PPA2: variants seen among roughly 807,000 people sequenced by gnomAD.
PPA2 encodes inorganic pyrophosphatase 2, mitochondrial.
PPA2 carries 48 observed loss-of-function variants against 49.5 expected under a neutral mutation model. The observed-to-expected ratio is 0.97, with a 90% CI of 0.77 to 1.23. The LOEUF (loss-of-function observed/expected upper bound fraction) is 1.23. Among genes scored for constraint, PPA2 ranks in the 50% most tolerant of loss-of-function variants. PPA2 has a pLI of 0.00. For missense variants in PPA2, 429 were observed against 410.1 expected, an observed-to-expected ratio of 1.05 and a Z score of -0.40; for synonymous variants, 131 against 139.9, an observed-to-expected ratio of 0.94 and a Z score of 0.45.
chr4:105,426,268 T>C (rs2636716), intron 6 of PPA2, among the ~76,000 whole-genome samples: 86,913 of 152,090 alleles, frequency 0.57, 24,871 homozygotes, highest in East Asian at 0.68. Context: ...GTGAGATCGA[T>C]GCAGAAGACA....
chr4:105,437,880 C>A, intron 6 of PPA2, 70 bp downstream of exon 6: 1 of 1,220,760 alleles, frequency 8.2e-7, no homozygotes, highest in Non-Finnish European at 1.1e-6. Context: ...GAACTAGAGG[C>A]TAAAATGAAA....
intron 6 of PPA2, among the ~76,000 whole-genome samples, chr4:105,436,832 A>G (rs1403113764): frequency 6.6e-6 from 1 of 152,234 alleles, no homozygotes; most frequent in Non-Finnish European, 1.5e-5. Context: ...AAGATGGATT[A>G]AAGACCTAAA....
At chr4:105,404,282 C>T (rs1196110954) in intron 7 of PPA2, among the ~76,000 whole-genome samples, 3 of 152,002 alleles carry the variant, frequency 2.0e-5, no homozygotes, top group East Asian at 1.9e-4. Flanking sequence ...ACAATAAACA[C>T]ATTTAAAAAC....
rs553324304 is a variant in PPA2 at position 105,434,214 on chromosome 4, A to T, written c.528+3736T>A. Among the ~76,000 whole-genome samples the T allele has an allele frequency of 3.3e-5, 5 of 152,354 alleles. No individual in the cohort carries two copies. In the South Asian group the frequency reaches 1.0e-3, roughly 32 times the overall value. On this transcript the variant is annotated intron_variant, in intron 6 of 11. Transcript: ENST00000341695. ...TAATCTAGAAACTGTCAGATAAGGA[A>T]CAACTAGAATAAAAAGCCTTGAGAA...
chr4:105,466,159 C>T (rs1723292273), intron 1 of PPA2, among the ~76,000 whole-genome samples: 1 of 152,050 alleles, frequency 6.6e-6, no homozygotes, highest in African/African-American at 2.4e-5. Context: ...TCTTGATTGC[C>T]ATTTCTTCAC....
chr4:105,404,522 C>T (rs966426390), intron 7 of PPA2, among the ~76,000 whole-genome samples: 3 of 152,160 alleles, frequency 2.0e-5, no homozygotes, highest in Admixed American at 1.3e-4. Flanking sequence ...TCAGACAGCA[C>T]TAAGTTTAAA....
intron 1 of PPA2, among the ~76,000 whole-genome samples, chr4:105,469,349 G>A (rs1723431647): frequency 6.6e-6 from 1 of 152,184 alleles, no homozygotes; most frequent in Non-Finnish European, 1.5e-5. Flanking sequence ...CATTTTCTAA[G>A]TTATCTATGT....
chr4:105,455,855 TA>T (rs1381623776), intron 2 of PPA2, among the ~76,000 whole-genome samples: 38 of 152,266 alleles, frequency 2.5e-4, no homozygotes, highest in Non-Finnish European at 1.2e-4. Flanking sequence ...AACCCCAAAT[TA>T]ACGAGTTACA....
intron 7 of PPA2, among the ~76,000 whole-genome samples, chr4:105,413,338 A>C (rs970848271): frequency 7.9e-5 from 12 of 151,526 alleles, no homozygotes; most frequent in African/African-American, 2.7e-4. Context: ...GGACTGGGGG[A>C]GGGATAGTAT....
intron 1 of PPA2, among the ~76,000 whole-genome samples, chr4:105,466,462 A>G (rs1723305453): frequency 6.6e-6 from 1 of 152,156 alleles, no homozygotes; most frequent in Non-Finnish European, 1.5e-5. Context: ...CAAATTAGGG[A>G]AAGTGAAGAA....
intron 10 of PPA2, among the ~76,000 whole-genome samples, chr4:105,376,669 G>T (rs1202968666): frequency 6.6e-6 from 1 of 152,084 alleles, no homozygotes; most frequent in Non-Finnish European, 1.5e-5. Flanking sequence ...CAGTGGCATG[G>T]GTCTGGTTCC....
chr4:105,386,778 GA>G, intron 9 of PPA2, 142 bp from the exon 10 acceptor site: 3 of 657,452 alleles, frequency 4.6e-6, no homozygotes, highest in Non-Finnish European at 7.6e-6. Flanking sequence ...TAAAAATTAA[GA>G]CAATGAAAAT....
At chr4:105,406,101 A>G (rs1019398662) in intron 7 of PPA2, among the ~76,000 whole-genome samples, 1 of 146,346 alleles carries the variant, frequency 6.8e-6, no homozygotes, top group Non-Finnish European at 1.5e-5. Flanking sequence ...GAGGAACAGA[A>G]ACTATAAAAC....
chr4:105,451,942 T>TC (rs1179281149), intron 3 of PPA2, among the ~76,000 whole-genome samples: 1 of 152,194 alleles, frequency 6.6e-6, no homozygotes, highest in Non-Finnish European at 1.5e-5. Context: ...CCAACAATGG[T>TC]CTGCCAAATT....
intron 9 of PPA2, among the ~76,000 whole-genome samples, chr4:105,393,493 AT>A (rs1734008512): frequency 2.5e-5 from 1 of 40,406 alleles, no homozygotes; most frequent in African/African-American, 6.6e-5. Flanking sequence ...CAAAATAATA[AT>A]AATAATAATA....
In PPA2 at chr4:105,399,170, A is replaced by C; in HGVS notation, c.656-6T>G. 6.3e-7 allele frequency: 1 copy of C among 1,585,196 alleles called. No individual in the cohort carries two copies. Among genetic ancestry groups the C allele is most frequent in the Non-Finnish European group, 8.5e-7 (1 of 1,172,284 alleles). ...CTTCTTAACATCATCAATATCTGTAAAGAAAAAAACAAAAAGATGTTTTGT... is the reference window on the plus strand; with the variant it reads ...CTTCTTAACATCATCAATATCTGTACAGAAAAAAACAAAAAGATGTTTTGT... On this transcript the variant is annotated splice_polypyrimidine_tract_variant and splice_region_variant and intron_variant, in intron 7 of 11. Transcript: ENST00000341695.
At chr4:105,444,955 A>G (rs1249225006) in intron 5 of PPA2, among the ~76,000 whole-genome samples, 26 of 152,276 alleles carry the variant, frequency 1.7e-4, no homozygotes, top group East Asian at 1.9e-4. Flanking sequence ...CATTTTACAG[A>G]TGAAGAAAAT....
rs570359795 is a variant in PPA2, at chr4:105,428,242, G to A, written c.529-3920C>T. On this transcript the variant is annotated intron_variant, in intron 6 of 11. Transcript: ENST00000341695. The stretch of plus-strand genomic sequence containing the variant: ...AACAACCGGTACCAACCACTGCAAA[G>A]ACACGCCAAATTGTAAAGATGATCG... Among the ~76,000 whole-genome samples the A allele has an allele frequency of 9.2e-5, 14 of 152,246 alleles. 1 individual carries two copies. The South Asian group carries it at 2.9e-3, about 32-fold the overall frequency.
intron 7 of PPA2, among the ~76,000 whole-genome samples, chr4:105,419,470 T>C (rs1030260798): frequency 6.6e-6 from 1 of 152,240 alleles, no homozygotes; most frequent in African/African-American, 2.4e-5. Flanking sequence ...TACAACGAGT[T>C]TCATTTCAAA....
Sources: gnomAD v4.1 joint callset for allele counts (sites outside exome capture counted in the v4.1 genomes callset) on GRCh38, gnomAD v4.1.1 for gene constraint, MANE v1.5 for transcripts, NCBI Gene and HGNC (gene_info 2026-07-23, HGNC 2026-07-21) for gene names.